The following C9orf57 variants were observed in gnomAD, a reference collection of about 807,000 sequenced individuals.
C9orf57 encodes the protein uncharacterized protein C9orf57.
A neutral mutation model predicts 12.9 loss-of-function variants in C9orf57; 12 were observed. The ratio of observed to expected loss-of-function variants is 0.93; its 90% CI spans 0.60 to 1.51. The LOEUF (loss-of-function observed/expected upper bound fraction) is 1.51, where lower values mean the gene tolerates loss of function less well. Ranked by LOEUF, C9orf57 falls within the 40% of genes most tolerant of loss-of-function variation. The probability of loss-of-function intolerance (pLI) is 0.00; values close to 1 mark genes in which losing one functional copy is unlikely to be tolerated. For synonymous variants in C9orf57, 49 were observed against 57.1 expected (o/e 0.86, Z 0.64); for missense variants, 141 against 162.8 (o/e 0.87, Z 0.73).
intron 3 of C9orf57, among the ~76,000 whole-genome samples, chr9:72,056,538 T>C (rs1463526680): frequency 6.6e-6 from 1 of 151,894 alleles, no homozygotes; most frequent in East Asian, 1.9e-4. Context: ...GTACTCACAT[T>C]TGAATCTTGT....
intron 4 of C9orf57, among the ~76,000 whole-genome samples, chr9:72,054,184 G>T (rs772675463): frequency 6.6e-6 from 1 of 152,192 alleles, no homozygotes; most frequent in Non-Finnish European, 1.5e-5. Flanking sequence ...TTTTAGTAGA[G>T]ATGGGAGTTC....
In C9orf57 at chr9:72,060,516, A is replaced by G; in HGVS notation, c.-73T>C. 1 of 1,520,764 alleles carries G rather than the reference A, an allele frequency of 6.6e-7. No homozygotes were observed. The highest frequency in any genetic ancestry group is 2.5e-5 in the East Asian group (1 of 40,754). The allele number at this position is 1,520,764 out of a possible 1,614,324, so 94.2% of individuals were successfully genotyped here. On this transcript the variant is annotated 5_prime_UTR_variant, in exon 1 of 5. Transcript: ENST00000651200. ...ACCTACCTATCTTTTTCATTAAGGT[A>G]CTATGGAAATTTTCCTGGGTCTGAA...
At chr9:72,054,366 A>C (rs967584084) in intron 4 of C9orf57, among the ~76,000 whole-genome samples, 33 of 152,252 alleles carry the variant, frequency 2.2e-4, no homozygotes, top group African/African-American at 8.0e-4. Flanking sequence ...TACATGTGTT[A>C]AATATAAATA....
rs1824078579 is a variant in C9orf57 at position 72,051,427 on chromosome 9, C to T, written c.*869G>A. The T allele has an allele frequency of 6.6e-6, 1 of 152,030 alleles. No individual in the cohort carries two copies. The highest frequency in any genetic ancestry group is 1.5e-5 in the Non-Finnish European group (1 of 68,010). The allele number at this position is 152,030 out of a possible 1,614,324, so 9.4% of individuals were successfully genotyped here. A position where few individuals can be genotyped will look rare whatever the true frequency, so the allele number is the denominator to read the frequency against. ...TTGAATTTTCAAACTCCTGAAAATACAGAGAAAGACAGTTTTAAATTAAAT... is the reference window on the plus strand; with the variant it reads ...TTGAATTTTCAAACTCCTGAAAATATAGAGAAAGACAGTTTTAAATTAAAT... On this transcript the variant is annotated 3_prime_UTR_variant, in exon 5 of 5. Coordinates refer to ENST00000651200, the MANE Select transcript of C9orf57 (RefSeq NM_001128618.2).
chr9:72,059,668 A>G (rs1387231886), intron 1 of C9orf57, among the ~76,000 whole-genome samples: 7 of 152,136 alleles, frequency 4.6e-5, no homozygotes, highest in Admixed American at 3.9e-4. Context: ...TAAAAATACA[A>G]AAATTAGCCA....
chr9:72,059,975 C>T (rs1824295564), intron 1 of C9orf57, among the ~76,000 whole-genome samples: 1 of 152,084 alleles, frequency 6.6e-6, no homozygotes, highest in Non-Finnish European at 1.5e-5. Flanking sequence ...GAATAATATC[C>T]TGTTAGAAAT....
intron 2 of C9orf57, among the ~76,000 whole-genome samples, chr9:72,058,410 C>T (rs1295345779): frequency 1.3e-5 from 2 of 152,182 alleles, no homozygotes; most frequent in Non-Finnish European, 2.9e-5. Context: ...ATCTACCTGC[C>T]TCAGCCTCCC....
At position 72,052,221 on chromosome 9, in the gene C9orf57, C is replaced by T; in HGVS notation, c.*75G>A. On this transcript the variant is annotated 3_prime_UTR_variant, in exon 5 of 5. Transcript: ENST00000651200. ...TCTGAAGTGGGCTAATTGACAATAG[C>T]CATCATTTTGTGATAGCCAGGTCAG... 1 of 1,477,264 alleles carries T rather than the reference C, an allele frequency of 6.8e-7. No individual in the cohort carries two copies. The highest frequency in any genetic ancestry group is 9.1e-7 in the Non-Finnish European group (1 of 1,096,604). 91.5% of individuals were successfully genotyped at this position (1,477,264 alleles called of 1,614,324 possible).
At chr9:72,055,177 T>G (rs1195004993) in intron 4 of C9orf57, among the ~76,000 whole-genome samples, 2 of 151,774 alleles carry the variant, frequency 1.3e-5, no homozygotes, top group Non-Finnish European at 2.9e-5. Context: ...GTTCAAGCAA[T>G]CCACGCACCT....
At chr9:72,057,626 C>A (rs1332647975) in intron 2 of C9orf57, among the ~76,000 whole-genome samples, 1 of 152,084 alleles carries the variant, frequency 6.6e-6, no homozygotes, top group Non-Finnish European at 1.5e-5. Flanking sequence ...CAGTCAGGAG[C>A]CCAGGTGGTC....
At chr9:72,056,385 GC>G (rs1824203273) in intron 3 of C9orf57, among the ~76,000 whole-genome samples, 189 bp from the exon 4 acceptor site, 1 of 149,982 alleles carries the variant, frequency 6.7e-6, no homozygotes, top group Non-Finnish European at 1.5e-5. Context: ...TTTGGAGAAG[GC>G]CAGTTTCACA....
chr9:72,058,307 C>T (rs1824250490), intron 2 of C9orf57, among the ~76,000 whole-genome samples: 1 of 152,018 alleles, frequency 6.6e-6, no homozygotes, highest in Non-Finnish European at 1.5e-5. Context: ...ACTACAGGCA[C>T]CCACCTCCAA....
chr9:72,060,612 C>A lies in C9orf57; in HGVS notation c.-169G>T. The A allele has an allele frequency of 6.8e-7, 1 of 1,470,636 alleles. No homozygotes were observed. The highest frequency in any genetic ancestry group is 9.2e-7 in the Non-Finnish European group (1 of 1,086,568). The allele number at this position is 1,470,636 out of a possible 1,614,324, so 91.1% of individuals were successfully genotyped here. A position where few individuals can be genotyped will look rare whatever the true frequency, so the allele number is the denominator to read the frequency against. On this transcript the variant is annotated 5_prime_UTR_variant, in exon 1 of 5. Coordinates refer to ENST00000651200, the MANE Select transcript of C9orf57 (RefSeq NM_001128618.2). ...GTCCGTTACAACTGAAAGCGACACT[C>A]TGATCCACTAGATTCCAAACAGTTT...
At chr9:72,056,568 T>A (rs1010701041) in intron 3 of C9orf57, among the ~76,000 whole-genome samples, 2 of 152,008 alleles carry the variant, frequency 1.3e-5, no homozygotes, top group African/African-American at 4.8e-5. Flanking sequence ...TCATTAGCTA[T>A]GTGACTGTGC....
Position 72,056,764 on chromosome 9 carries a change from T to C in C9orf57, c.157+20A>G, listed in dbSNP as rs1424080238. The C allele has an allele frequency of 3.3e-5, 51 of 1,545,392 alleles. No individual in the cohort carries two copies. Among genetic ancestry groups the C allele is most frequent in the Non-Finnish European group, 4.3e-5 (49 of 1,144,146 alleles). On this transcript the variant is annotated intron_variant, in intron 3 of 4. Transcript: ENST00000651200. ...CCCTGTGCTTATTTTAATTAAAATT[T>C]TTAAAGTGTCAAAACTTACCTTGAA...
intron 4 of C9orf57, 141 bp from the exon 5 acceptor site, chr9:72,052,576 G>A: frequency 1.3e-6 from 1 of 749,480 alleles, no homozygotes; most frequent in East Asian, 2.8e-5. Context: ...ATTAAGAATG[G>A]TTCATTTCAT....
rs1824100117 is a variant in C9orf57 at position 72,052,444 on chromosome 9, G to A, written c.281-9C>T. The A allele has an allele frequency of 6.5e-7, 1 of 1,550,278 alleles. No individual in the cohort carries two copies. The highest frequency in any genetic ancestry group is 1.4e-5 in the African/African-American group (1 of 72,986). On this transcript the variant is annotated splice_polypyrimidine_tract_variant and intron_variant, in intron 4 of 4. Transcript: ENST00000651200. ...ATACCATTGAATGCCACCTGACGGA[G>A]AGAAAAGAGGTAAGGAAATTTCTTG...
In C9orf57 at chr9:72,056,803, T is replaced by C. The variant is rs13295099; in HGVS notation, c.138A>G (p.Lys46=). Residue 46 remains lysine (K), a synonymous_variant, in exon 3 of 5, where the codon AAA becomes AAG. Coordinates refer to ENST00000651200, the MANE Select transcript of C9orf57 (RefSeq NM_001128618.2). ...ACTTACCTTGAATGTGGACCTCTTCTTTCCAGTACTGACCAGGTTTTGTCT... is the reference window on the plus strand; with the variant it reads ...ACTTACCTTGAATGTGGACCTCTTCCTTCCAGTACTGACCAGGTTTTGTCT... The part of the protein sequence containing the change: ...TCQTKPGQYW[K]EEVHIQDVGG... 794,255 of 1,547,932 alleles carry C rather than the reference T, an allele frequency of 0.51. 217,391 individuals carry two copies. Among genetic ancestry groups the C allele is most frequent in the Non-Finnish European group, 0.57 (656,756 of 1,144,380 alleles).
intron 2 of C9orf57, 68 bp from the exon 3 acceptor site, chr9:72,056,911 AC>A: frequency 8.5e-7 from 1 of 1,170,662 alleles, no homozygotes; most frequent in Non-Finnish European, 1.2e-6. Context: ...ATATATGTAT[AC>A]TTTTTTTTTT....
Sources: gnomAD v4.1 joint callset for allele counts (sites outside exome capture counted in the v4.1 genomes callset) on GRCh38, gnomAD v4.1.1 for gene constraint, MANE v1.5 for transcripts, NCBI Gene and HGNC (gene_info 2026-07-23, HGNC 2026-07-21) for gene names.